The following DNAH11 variants were observed in gnomAD, a reference collection of about 807,000 sequenced individuals.
The protein encoded by DNAH11 is axonemal beta dynein heavy chain 11.
DNAH11 carries 442 observed loss-of-function variants against 526.0 expected under a neutral mutation model. The ratio of observed to expected loss-of-function variants is 0.84; its 90% confidence interval spans 0.78 to 0.91. The LOEUF is 0.91. DNAH11 is among the 40% of genes least tolerant of loss of function. DNAH11 has a pLI of 0.00. For synonymous variants in DNAH11, 2,461 were observed against 1,935.9 expected (o/e 1.27, Z -7.12); for missense variants, 6,989 against 5,448.7 (o/e 1.28, Z -8.90).
chr7:21,656,789 T>A (rs900805432), intron 29 of DNAH11, among the ~76,000 whole-genome samples: 2 of 152,226 alleles, frequency 1.3e-5, no homozygotes, highest in African/African-American at 4.8e-5. Context: ...TACTCCTTTC[T>A]GTTGCTTTTT....
At chr7:21,837,218 C>T (rs1292847411) in intron 65 of DNAH11, among the ~76,000 whole-genome samples, 1 of 152,110 alleles carries the variant, frequency 6.6e-6, no homozygotes, top group African/African-American at 2.4e-5. Context: ...ACCGTATGAT[C>T]CAGCAGTTCT....
At chr7:21,619,844 C>A in intron 24 of DNAH11, 112 bp from the exon 25 acceptor site, 1 of 1,016,008 alleles carries the variant, frequency 9.8e-7, no homozygotes, top group Non-Finnish European at 1.5e-6. Context: ...GCCAATAATA[C>A]TTGATATCAG....
chr7:21,890,756 T>A (rs1784299178), intron 76 of DNAH11, among the ~76,000 whole-genome samples: 1 of 152,166 alleles, frequency 6.6e-6, no homozygotes, highest in Non-Finnish European at 1.5e-5. Flanking sequence ...TCATTATTCT[T>A]ATATATAAAC....
At position 21,863,584 on chromosome 7, in the gene DNAH11, C is replaced by T. The variant is rs573081214; in HGVS notation, c.11374-951C>T. On this transcript the variant is annotated intron_variant, in intron 69 of 81. Coordinates refer to ENST00000409508, the MANE Select transcript of DNAH11 (RefSeq NM_001277115.2). ...CTCATGATCTGCCCGCCTCTGCCTC[C>T]GAAAGTGCTGGGATTACAGGCATGA... Among the ~76,000 whole-genome samples, 32 of 152,142 alleles carry T rather than the reference C, an allele frequency of 2.1e-4. 2 individuals carry two copies. Among genetic ancestry groups the T allele is most frequent in the Admixed American group, 8.5e-4 (13 of 15,274 alleles).
At position 21,681,434 on chromosome 7, in the gene DNAH11, A is replaced by T. The variant is rs898421237; in HGVS notation, c.5329-112A>T. On this transcript the variant is annotated intron_variant, in intron 30 of 81. Coordinates refer to ENST00000409508, the MANE Select transcript of DNAH11 (RefSeq NM_001277115.2). ...AGAGTGAGACTCCATCTCAAAAAAA[A>T]AAAGAAATTGTTTTGCAAACTAAAT... is the stretch of plus-strand genomic sequence containing the variant. 4 of 1,225,612 alleles carry T rather than the reference A, an allele frequency of 3.3e-6. No homozygotes were observed. The African/African-American group carries it at 4.7e-5, about 14-fold the overall frequency. The allele number at this position is 1,225,612 out of a possible 1,614,324, so 75.9% of individuals were successfully genotyped here.
At chr7:21,569,993 C>A in intron 6 of DNAH11, 76 bp from the exon 7 acceptor site, 3 of 1,200,534 alleles carry the variant, frequency 2.5e-6, no homozygotes, top group South Asian at 1.7e-5. Flanking sequence ...AAAAATGATT[C>A]TTTGAAACAG....
Position 21,571,965 on chromosome 7 carries a change from A to G in DNAH11, c.1585A>G (p.Thr529Ala). The change falls in exon 8 of 82, where the codon ACT becomes GCT. Residue 529 changes from threonine to alanine, a missense_variant. Thr to Ala is a moderately conservative substitution (Grantham distance 58). Transcript: ENST00000409508. ...KQSTYDPSDC[T>A]NMEFESDYVA... is the part of the protein sequence containing the mutation. ...GAGCACTTATGACCCATCTGATTGC[A>G]CTAACATGGTAATGTTGTACCTTTG... 6.4e-7 allele frequency: 1 copy of G among 1,559,834 alleles called. No individual in the cohort carries two copies. The highest frequency in any genetic ancestry group is 8.6e-7 in the Non-Finnish European group (1 of 1,157,540).
At chr7:21,823,747 A>G (rs1963781) in intron 65 of DNAH11, among the ~76,000 whole-genome samples, 139,205 of 152,198 alleles carry the variant, frequency 0.91, 63,759 homozygotes, top group Middle Eastern at 0.94. Flanking sequence ...AGGTGGATTA[A>G]GTATTCAAAT....
intron 2 of DNAH11, among the ~76,000 whole-genome samples, chr7:21,555,023 G>A (rs1002468962): frequency 1.1e-4 from 16 of 152,188 alleles, no homozygotes; most frequent in African/African-American, 3.6e-4. Flanking sequence ...GAGGGGGTAT[G>A]GATGATAGGG....
intron 50 of DNAH11, 120 bp from the exon 51 acceptor site, chr7:21,744,750 C>G: frequency 7.0e-7 from 1 of 1,429,446 alleles, no homozygotes; most frequent in Non-Finnish European, 9.4e-7. Context: ...TGCTTGGGAA[C>G]ATTCCACCCA....
intron 28 of DNAH11, among the ~76,000 whole-genome samples, chr7:21,648,034 G>A (rs896420817): frequency 6.6e-6 from 1 of 152,134 alleles, no homozygotes; most frequent in Non-Finnish European, 1.5e-5. Flanking sequence ...ATCATTAGAA[G>A]ATGGAATGGT....
intron 34 of DNAH11, 102 bp from the exon 35 acceptor site, chr7:21,690,663 A>T (rs1783577850): frequency 3.7e-6 from 3 of 813,194 alleles, no homozygotes; most frequent in Non-Finnish European, 6.0e-6. Context: ...CACAGAATAA[A>T]CAGCTTCCTA....
intron 66 of DNAH11, among the ~76,000 whole-genome samples, chr7:21,850,748 C>G (rs1331403323): frequency 6.6e-6 from 1 of 151,244 alleles, no homozygotes; most frequent in African/African-American, 2.4e-5. Context: ...GTTTCCAGGG[C>G]TAGGAGTTAC....
intron 68 of DNAH11, among the ~76,000 whole-genome samples, chr7:21,860,828 C>G (rs138022735): frequency 1.1e-3 from 174 of 152,212 alleles, no homozygotes; most frequent in African/African-American, 4.0e-3. Flanking sequence ...CTGGGGAGGC[C>G]TCACAATCAT....
intron 40 of DNAH11, among the ~76,000 whole-genome samples, chr7:21,709,234 A>G (rs1487647581): frequency 6.6e-6 from 1 of 152,262 alleles, no homozygotes; most frequent in Non-Finnish European, 1.5e-5. Flanking sequence ...ATGGAATACT[A>G]TGTAGCCATA....
intron 48 of DNAH11, among the ~76,000 whole-genome samples, chr7:21,740,777 T>G (rs1785846809): frequency 6.6e-6 from 1 of 152,188 alleles, no homozygotes; most frequent in South Asian, 2.1e-4. Context: ...AATTCTACTT[T>G]TAATTTTTTG....
intron 56 of DNAH11, among the ~76,000 whole-genome samples, chr7:21,775,958 G>A (rs190769994): frequency 2.6e-5 from 4 of 152,274 alleles, no homozygotes; most frequent in African/African-American, 9.6e-5. Context: ...AAGTGCTTCT[G>A]CCATACTTAA....
intron 65 of DNAH11, among the ~76,000 whole-genome samples, chr7:21,834,259 C>A (rs367835255): frequency 1.3e-5 from 2 of 151,792 alleles, no homozygotes; most frequent in Non-Finnish European, 2.9e-5. Context: ...AAACAACAAA[C>A]GGGTCAAAAA....
intron 25 of DNAH11, among the ~76,000 whole-genome samples, chr7:21,634,918 C>T (rs925278223): frequency 1.3e-5 from 2 of 152,102 alleles, no homozygotes; most frequent in Admixed American, 6.5e-5. Context: ...GACATACTAA[C>T]CATATTTTAA....
Sources: gnomAD v4.1 joint callset for allele counts (sites outside exome capture counted in the v4.1 genomes callset) on GRCh38, gnomAD v4.1.1 for gene constraint, MANE v1.5 for transcripts, NCBI Gene and HGNC (gene_info 2026-07-23, HGNC 2026-07-21) for gene names.